Variants in CTNNA2 observed in about 807,000 individuals in gnomAD.
CTNNA2 encodes the protein catenin alpha-2.
A neutral mutation model predicts 101.0 loss-of-function variants in CTNNA2; 42 were observed. The observed-to-expected ratio is 0.42, with a 90% confidence interval of 0.32 to 0.54. The LOEUF (loss-of-function observed/expected upper bound fraction) is 0.54, where lower values mean the gene tolerates loss of function less well. CTNNA2 is among the 20% of genes least tolerant of loss of function. The probability of loss-of-function intolerance (pLI) is 0.14; values close to 1 mark genes in which losing one functional copy is unlikely to be tolerated. For synonymous variants in CTNNA2, 450 were observed against 456.4 expected, an observed-to-expected ratio of 0.99 and a Z score of 0.18; for missense variants, 871 against 1,223.1, an observed-to-expected ratio of 0.71 and a Z score of 4.29.
intron 7 of CTNNA2, among the ~76,000 whole-genome samples, chr2:79,920,439 GT>G (rs915290675): frequency 9.5e-4 from 145 of 152,254 alleles, no homozygotes; most frequent in African/African-American, 3.2e-3. Flanking sequence ...ATGTTGTATT[GT>G]TTACAATCCC....
chr2:80,430,657 G>A (rs1681408777), intron 9 of CTNNA2, among the ~76,000 whole-genome samples: 1 of 152,176 alleles, frequency 6.6e-6, no homozygotes, highest in African/African-American at 2.4e-5. Context: ...AGAGTGGTGT[G>A]ATGGATTAGA....
intron 3 of CTNNA2, among the ~76,000 whole-genome samples, chr2:79,831,755 A>C (rs1390276259): frequency 2.0e-5 from 3 of 147,592 alleles, no homozygotes; most frequent in Non-Finnish European, 4.5e-5. Context: ...TTTTTTTTTT[A>C]AATCGTTACC....
At chr2:79,468,622 G>C (rs1670964681) in intron 4 of CTNNA2, among the ~76,000 whole-genome samples, 2 of 152,064 alleles carry the variant, frequency 1.3e-5, no homozygotes, top group Admixed American at 1.3e-4. Flanking sequence ...TAACCACATA[G>C]TTGGAAGTAA....
intron 7 of CTNNA2, chr2:80,298,662 AC>A (rs772391270): frequency 6.6e-5 from 10 of 152,262 alleles, no homozygotes; most frequent in Non-Finnish European, 1.3e-4. Context: ...GCTAAATCAT[AC>A]CAAATGTCTG....
chr2:80,161,819 G>T (rs1403934884), intron 7 of CTNNA2, among the ~76,000 whole-genome samples: 1 of 152,018 alleles, frequency 6.6e-6, no homozygotes, highest in African/African-American at 2.4e-5. Flanking sequence ...CTTCCTGAGT[G>T]ACTTATACCT....
chr2:79,983,104 G>A (rs1312093622), intron 7 of CTNNA2, among the ~76,000 whole-genome samples: 3 of 149,600 alleles, frequency 2.0e-5, no homozygotes, highest in African/African-American at 7.3e-5. Flanking sequence ...AACCCCTCAA[G>A]GTCCAGTCAA....
At chr2:80,163,493 T>A (rs551369843) in intron 7 of CTNNA2, among the ~76,000 whole-genome samples, 31 of 152,270 alleles carry the variant, frequency 2.0e-4, no homozygotes, top group African/African-American at 6.7e-4. Context: ...CAATTTTTTT[T>A]AATTTGTTGA....
At chr2:80,501,839 G>C (rs1156727139) in intron 9 of CTNNA2, among the ~76,000 whole-genome samples, 1 of 152,182 alleles carries the variant, frequency 6.6e-6, no homozygotes, top group Non-Finnish European at 1.5e-5. Context: ...TAAGTATATG[G>C]AAGGTGGGTG....
intron 7 of CTNNA2, among the ~76,000 whole-genome samples, chr2:80,279,397 G>A (rs1459251402): frequency 6.6e-6 from 1 of 152,114 alleles, no homozygotes; most frequent in Non-Finnish European, 1.5e-5. Flanking sequence ...CCTGGACACA[G>A]CGTCTAGTGC....
intron 2 of CTNNA2, among the ~76,000 whole-genome samples, chr2:79,666,186 A>T (rs1682404938): frequency 6.6e-6 from 1 of 152,190 alleles, no homozygotes; most frequent in Non-Finnish European, 1.5e-5. Context: ...TTTTTTCTTC[A>T]TATGGGCTTC....
At chr2:80,080,294 T>G (rs1258317929) in intron 7 of CTNNA2, among the ~76,000 whole-genome samples, 1 of 152,104 alleles carries the variant, frequency 6.6e-6, no homozygotes, top group Non-Finnish European at 1.5e-5. Flanking sequence ...GCTGCCATAC[T>G]CAAGACACTG....
At chr2:80,602,499 C>G (rs944863102) in intron 15 of CTNNA2, among the ~76,000 whole-genome samples, 1 of 151,984 alleles carries the variant, frequency 6.6e-6, no homozygotes, top group Non-Finnish European at 1.5e-5. Flanking sequence ...GATGAAGTTA[C>G]AACAAATATT....
In CTNNA2 at chr2:80,302,942, G is replaced by A. The variant is rs1255650596; in HGVS notation, c.1057-90269G>A. 1.2e-6 allele frequency: 2 copies of A among 1,614,024 alleles called. No homozygotes were observed. The highest frequency in any genetic ancestry group is 1.3e-5 in the African/African-American group (1 of 75,010). On this transcript the variant is annotated intron_variant, in intron 7 of 18. Transcript: ENST00000402739. This position sits in a 1 kb window ranked among gnomAD's most constrained non-coding sequence, Gnocchi z 6.4. ...GTTGAGGATCCGGGGCTCGATGTAG[G>A]TGAGGCGGTTGGAGTCCAGCTGCAG...
intron 7 of CTNNA2, among the ~76,000 whole-genome samples, chr2:80,234,123 T>C (rs894537378): frequency 1.3e-5 from 2 of 152,034 alleles, no homozygotes; most frequent in Admixed American, 1.3e-4. Flanking sequence ...CTTGGCTCAC[T>C]GCAACCTCCA....
Position 80,648,683 on chromosome 2 carries a change from A to AC in CTNNA2, c.*811_*812insC, listed in dbSNP as rs1166922839. The AC allele has an allele frequency of 2.0e-5, 3 of 152,158 alleles. No homozygotes were observed. The highest frequency in any genetic ancestry group is 4.4e-5 in the Non-Finnish European group (3 of 68,018). The allele number at this position is 152,158 out of a possible 1,614,324, so 9.4% of individuals were successfully genotyped here. The stretch of plus-strand genomic sequence containing the variant: ...GAGGGAAGGAAACTGACAACGTGTG[A>AC]AAGTTAGAGGCAAATACATAGGTGT... On this transcript the variant is annotated 3_prime_UTR_variant, in exon 19 of 19. Coordinates refer to ENST00000402739, the MANE Select transcript of CTNNA2 (RefSeq NM_001282597.3).
At chr2:79,205,185 A>G (rs982483908) in intron 2 of CTNNA2, among the ~76,000 whole-genome samples, 4 of 152,142 alleles carry the variant, frequency 2.6e-5, no homozygotes, top group African/African-American at 9.7e-5. Context: ...GAGCTTCCAT[A>G]TAAAAAAATA....
chr2:79,225,543 A>C (rs930567805), intron 2 of CTNNA2, among the ~76,000 whole-genome samples: 1 of 152,226 alleles, frequency 6.6e-6, no homozygotes, highest in African/African-American at 2.4e-5. Context: ...TATGTTCTTA[A>C]CATTTACAAT....
intron 7 of CTNNA2, among the ~76,000 whole-genome samples, chr2:79,927,160 A>G (rs1248800693): frequency 6.6e-6 from 1 of 152,140 alleles, no homozygotes; most frequent in East Asian, 1.9e-4. Flanking sequence ...TTTGCAAAGG[A>G]AAGTTGAGAT....
chr2:80,433,824 A>G lies in CTNNA2; in HGVS notation c.1290+14223A>G, dbSNP rs549475315. Among the ~76,000 whole-genome samples, 17 of 152,278 alleles carry G rather than the reference A, an allele frequency of 1.1e-4. No individual in the cohort carries two copies. In the South Asian group the frequency reaches 3.5e-3, roughly 32 times the overall value. On this transcript the variant is annotated intron_variant, in intron 9 of 18. Transcript: ENST00000402739. ...TGTAGATTCTAGTGCCTTGCTACAA[A>G]TATAGGTTATATTATTGACCATTAT...
Sources: gnomAD v4.1 joint callset for allele counts (sites outside exome capture counted in the v4.1 genomes callset) on GRCh38, gnomAD v4.1.1 for gene constraint, Gnocchi (gnomAD v3.1) non-coding constraint, MANE v1.5 for transcripts, NCBI Gene and HGNC (gene_info 2026-07-23, HGNC 2026-07-21) for gene names.